Variants in CFAP299 observed in about 807,000 individuals in gnomAD.
CFAP299 encodes the protein cilia- and flagella-associated protein 299.
A neutral mutation model predicts 27.0 loss-of-function variants in CFAP299; 21 were observed. The observed-to-expected ratio is 0.78, with a 90% CI of 0.55 to 1.12. The LOEUF is 1.12. Among genes scored for constraint, CFAP299 ranks in the 50% most tolerant of loss-of-function variants. The pLI is 0.00. For missense variants in CFAP299, 310 were observed against 276.6 expected (o/e 1.12, Z -0.86); for synonymous variants, 104 against 98.1 (o/e 1.06, Z -0.36).
At chr4:80,688,918 C>T (rs1426293990) in intron 3 of CFAP299, among the ~76,000 whole-genome samples, 6 of 151,890 alleles carry the variant, frequency 4.0e-5, no homozygotes, top group East Asian at 1.9e-4. Flanking sequence ...GGAGCCGATG[C>T]GATCAACTGG....
chr4:80,939,254 A>G (rs1320577077), intron 4 of CFAP299, among the ~76,000 whole-genome samples: 1 of 152,154 alleles, frequency 6.6e-6, no homozygotes, highest in East Asian at 1.9e-4. Flanking sequence ...TTCTTTAAGT[A>G]AACTATTTTA....
At chr4:80,910,390 T>C (rs529677518) in intron 4 of CFAP299, among the ~76,000 whole-genome samples, 3 of 152,242 alleles carry the variant, frequency 2.0e-5, no homozygotes, top group South Asian at 4.1e-4. Flanking sequence ...AATGTGTTCA[T>C]TGTTCACAAT....
chr4:80,955,770 G>A (rs1201715066), intron 5 of CFAP299, among the ~76,000 whole-genome samples: 2 of 152,178 alleles, frequency 1.3e-5, no homozygotes, highest in Non-Finnish European at 2.9e-5. Flanking sequence ...GGGAGGCTGA[G>A]GCAGGCAGAT....
rs550628432 is a variant in CFAP299 at position 80,536,138 on chromosome 4, T to C, written c.243-46955T>C. On this transcript the variant is annotated intron_variant, in intron 2 of 5. Transcript: ENST00000358105. Reference sequence around the variant, plus strand: ...TAGGAGAAGCAGTGGGTGGTAGTTATATGGTGGATATTTCACCTCAGTGAA... The same window carrying C: ...TAGGAGAAGCAGTGGGTGGTAGTTACATGGTGGATATTTCACCTCAGTGAA... Among the ~76,000 whole-genome samples, 5 of 152,334 alleles carry C rather than the reference T, an allele frequency of 3.3e-5. No homozygotes were observed. The South Asian group carries it at 1.0e-3, about 32-fold the overall frequency.
chr4:80,701,162 G>A (rs1826484), intron 3 of CFAP299, among the ~76,000 whole-genome samples: 10,484 of 152,014 alleles, frequency 0.069, 813 homozygotes, highest in African/African-American at 0.18. Flanking sequence ...ATTAGTGGGG[G>A]TTAGAATTGA....
chr4:80,916,866 G>T (rs1735791409), intron 4 of CFAP299, among the ~76,000 whole-genome samples: 1 of 151,976 alleles, frequency 6.6e-6, no homozygotes. Flanking sequence ...ATTCCGAGGT[G>T]AAGTAATATG....
intron 4 of CFAP299, among the ~76,000 whole-genome samples, chr4:80,876,673 T>C (rs1036136457): frequency 6.6e-6 from 1 of 152,178 alleles, no homozygotes; most frequent in Non-Finnish European, 1.5e-5. Context: ...CATACATATG[T>C]ACAACCAGAA....
At chr4:80,845,676 T>C (rs1731145354) in intron 3 of CFAP299, among the ~76,000 whole-genome samples, 1 of 152,168 alleles carries the variant, frequency 6.6e-6, no homozygotes, top group Admixed American at 6.6e-5. Context: ...GAAGACCCTA[T>C]TCAACTACCG....
chr4:80,662,628 A>G (rs1318942842), intron 3 of CFAP299, among the ~76,000 whole-genome samples: 1 of 152,342 alleles, frequency 6.6e-6, no homozygotes, highest in African/African-American at 2.4e-5. Flanking sequence ...CTTGCATGCT[A>G]TTTAGAAGGG....
chr4:80,509,151 A>G (rs1045083271), intron 2 of CFAP299, among the ~76,000 whole-genome samples: 2 of 152,202 alleles, frequency 1.3e-5, no homozygotes, highest in African/African-American at 4.8e-5. Context: ...ATGCCTAACT[A>G]TAGCTCTTAT....
intron 4 of CFAP299, among the ~76,000 whole-genome samples, chr4:80,878,111 C>G (rs576683179): frequency 6.6e-6 from 1 of 152,172 alleles, no homozygotes; most frequent in South Asian, 2.1e-4. Flanking sequence ...TGTATTATAG[C>G]TACTTGTGTG....
chr4:80,906,548 C>T (rs1234332570), intron 4 of CFAP299, among the ~76,000 whole-genome samples: 2 of 152,210 alleles, frequency 1.3e-5, no homozygotes, highest in Non-Finnish European at 2.9e-5. Context: ...CTGTGCCCTG[C>T]AGCAGTCTTC....
chr4:80,578,920 A>G (rs900717651), intron 2 of CFAP299, among the ~76,000 whole-genome samples: 1 of 152,206 alleles, frequency 6.6e-6, no homozygotes, highest in African/African-American at 2.4e-5. Context: ...TATTTCACCT[A>G]AGGTTAAATT....
chr4:80,449,141 T>C (rs909236055), intron 2 of CFAP299, among the ~76,000 whole-genome samples: 1 of 152,202 alleles, frequency 6.6e-6, no homozygotes, highest in Non-Finnish European at 1.5e-5. Context: ...TGTATTTCGT[T>C]TTGATTTTTA....
intron 3 of CFAP299, among the ~76,000 whole-genome samples, chr4:80,682,707 T>C (rs562464045): frequency 8.5e-5 from 13 of 152,324 alleles, no homozygotes; most frequent in Admixed American, 3.3e-4. Flanking sequence ...ACACCCTTTA[T>C]TATAAGACCA....
intron 2 of CFAP299, among the ~76,000 whole-genome samples, chr4:80,434,469 G>A (rs959106654): frequency 9.9e-5 from 15 of 152,114 alleles, no homozygotes; most frequent in Admixed American, 2.0e-4. Flanking sequence ...GCTTTAAAAA[G>A]TGTATTTTAA....
At chr4:80,692,538 A>G (rs2110017878) in intron 3 of CFAP299, among the ~76,000 whole-genome samples, 1 of 152,334 alleles carries the variant, frequency 6.6e-6, no homozygotes, top group South Asian at 2.1e-4. Flanking sequence ...TTATACAAAA[A>G]TCAATTCAAG....
At chr4:80,840,935 G>A (rs1730830213) in intron 3 of CFAP299, among the ~76,000 whole-genome samples, 1 of 152,054 alleles carries the variant, frequency 6.6e-6, no homozygotes, top group South Asian at 2.1e-4. Context: ...TAATCAGAGA[G>A]CCGGCTCATG....
chr4:80,369,945 A>G (rs896628931), intron 2 of CFAP299, among the ~76,000 whole-genome samples: 1 of 152,210 alleles, frequency 6.6e-6, no homozygotes, highest in Non-Finnish European at 1.5e-5. Flanking sequence ...TACAATGGGT[A>G]TATCAGTTCA....
Sources: gnomAD v4.1 joint callset for allele counts (sites outside exome capture counted in the v4.1 genomes callset) on GRCh38, gnomAD v4.1.1 for gene constraint, MANE v1.5 for transcripts, NCBI Gene and HGNC (gene_info 2026-07-23, HGNC 2026-07-21) for gene names.